CFAP221: variants seen among roughly 807,000 people sequenced by gnomAD.
CFAP221 encodes the protein cilia- and flagella-associated protein 221.
Under a neutral mutation model 113.1 loss-of-function variants are expected in CFAP221, and 97 were observed. That is an observed-to-expected ratio of 0.86 (90% CI 0.73 to 1.02). CFAP221 has a LOEUF of 1.02. Among genes scored for constraint, CFAP221 ranks in the 50% least tolerant of loss-of-function variants. CFAP221 has a pLI of 0.00. For synonymous variants in CFAP221, 331 were observed against 354.4 expected (o/e 0.93, Z 0.74); for missense variants, 1,025 against 1,013.4 (o/e 1.01, Z -0.16).
intron 8 of CFAP221, among the ~76,000 whole-genome samples, chr2:119,603,454 C>T (rs1347855249): frequency 1.3e-5 from 2 of 152,054 alleles, no homozygotes; most frequent in Non-Finnish European, 2.9e-5. Context: ...TCTCCCATGC[C>T]CTGGGTTGTA....
chr2:119,638,311 C>A lies in CFAP221; in HGVS notation c.2027C>A (p.Thr676Lys). ...ATGCATCCTCTGACCTATGCAGAAA[C>A]GTTGATAGATTACCATCTATGCTCT... is the stretch of plus-strand genomic sequence containing the variant. Reference protein sequence around the residue: ...AVMHPLTYAETLIDYHLCSHP... With the variant: ...AVMHPLTYAEKLIDYHLCSHP... Residue 676 changes from threonine (T) to lysine (K), a missense_variant, in exon 20 of 24, where the codon ACG becomes AAG. Thr to Lys is a moderately conservative substitution (Grantham distance 78, BLOSUM62 -1). Coordinates refer to ENST00000413369, the MANE Select transcript of CFAP221 (RefSeq NM_001271049.2). The A allele has an allele frequency of 6.2e-7, 1 of 1,614,032 alleles. No individual in the cohort carries two copies. The highest frequency in any genetic ancestry group is 1.1e-5 in the South Asian group (1 of 91,084).
chr2:119,574,685 T>C (rs1335490051), intron 6 of CFAP221, among the ~76,000 whole-genome samples: 1 of 152,140 alleles, frequency 6.6e-6, no homozygotes, highest in Admixed American at 6.5e-5. Context: ...AGGTTTGTAG[T>C]ATCTGCACAC....
At chr2:119,622,752 A>G (rs1686019247) in intron 14 of CFAP221, among the ~76,000 whole-genome samples, 1 of 152,230 alleles carries the variant, frequency 6.6e-6, no homozygotes, top group South Asian at 2.1e-4. Context: ...ACATAAACAG[A>G]ACCAATGACA....
chr2:119,608,402 G>T, intron 11 of CFAP221, 100 bp from the exon 12 acceptor site: 1 of 828,166 alleles, frequency 1.2e-6, no homozygotes. Context: ...AGCATCTCAG[G>T]GTTCCTTTTC....
At chr2:119,636,721 C>T (rs1687135995) in intron 19 of CFAP221, among the ~76,000 whole-genome samples, 1 of 152,218 alleles carries the variant, frequency 6.6e-6, no homozygotes, top group Non-Finnish European at 1.5e-5. Context: ...GGAACCACTG[C>T]TTTTCCTCAC....
In CFAP221 at chr2:119,634,982, A is replaced by G. The variant is rs10188192; in HGVS notation, c.1975-3277A>G. Reference sequence around the variant, plus strand: ...TGGTAAGTGTTGTTACCACCATATAATAAATAATTTTTAAAAGAATTATCA... The same window carrying G: ...TGGTAAGTGTTGTTACCACCATATAGTAAATAATTTTTAAAAGAATTATCA... On this transcript the variant is annotated intron_variant, in intron 19 of 23. Transcript: ENST00000413369. Among the ~76,000 whole-genome samples, 1,072 of 152,350 alleles carry G rather than the reference A, an allele frequency of 7.0e-3. 13 individuals are homozygous for G. Among genetic ancestry groups the G allele is most frequent in the African/African-American group, 0.025 (1,027 of 41,572 alleles).
chr2:119,576,636 A>C lies in CFAP221; in HGVS notation c.528-10483A>C, dbSNP rs139576371. Among the ~76,000 whole-genome samples the C allele has an allele frequency of 5.7e-4, 87 of 152,298 alleles. 1 individual carries two copies. The highest frequency in any genetic ancestry group is 1.5e-3 in the African/African-American group (61 of 41,558). ...TTATCTTTATTTGATTATATCATTA[A>C]AGTTTGTGGGACTACCGTACTTCTG... On this transcript the variant is annotated intron_variant, in intron 6 of 23. Coordinates refer to ENST00000413369, the MANE Select transcript of CFAP221 (RefSeq NM_001271049.2).
At chr2:119,634,735 G>A (rs1269007865) in intron 19 of CFAP221, among the ~76,000 whole-genome samples, 1 of 152,260 alleles carries the variant, frequency 6.6e-6, no homozygotes, top group Middle Eastern at 3.4e-3. Flanking sequence ...GACAAATACT[G>A]TATGATTCTG....
intron 12 of CFAP221, among the ~76,000 whole-genome samples, chr2:119,609,010 A>G (rs1003227051): frequency 4.6e-5 from 7 of 152,222 alleles, no homozygotes; most frequent in African/African-American, 2.4e-5. Flanking sequence ...AGACAGATGC[A>G]AATGATAGTC....
At chr2:119,643,779 A>G (rs1287935395) in intron 21 of CFAP221, among the ~76,000 whole-genome samples, 1 of 151,954 alleles carries the variant, frequency 6.6e-6, no homozygotes, top group Non-Finnish European at 1.5e-5. Flanking sequence ...TCCTGACCTC[A>G]AGCAATCCGC....
intron 6 of CFAP221, among the ~76,000 whole-genome samples, chr2:119,564,666 C>T (rs1240840459): frequency 1.3e-5 from 2 of 152,158 alleles, no homozygotes; most frequent in Non-Finnish European, 2.9e-5. Context: ...TTTCATTCAA[C>T]ATTATGTTTT....
At chr2:119,605,378 T>A in intron 11 of CFAP221, 89 bp downstream of exon 11, 2 of 1,047,464 alleles carry the variant, frequency 1.9e-6, no homozygotes, top group Non-Finnish European at 2.9e-6. Flanking sequence ...TAAAATGTAA[T>A]AACCTTTTAG....
chr2:119,582,018 G>A (rs900360065), intron 6 of CFAP221, among the ~76,000 whole-genome samples: 5 of 152,084 alleles, frequency 3.3e-5, no homozygotes, highest in African/African-American at 1.2e-4. Context: ...AAACAATTAA[G>A]GAAAGATGTG....
At chr2:119,601,461 T>C (rs1328014070) in intron 8 of CFAP221, 84 bp downstream of exon 8, 3 of 1,228,700 alleles carry the variant, frequency 2.4e-6, no homozygotes, top group Non-Finnish European at 3.2e-6. Flanking sequence ...CTGTCTTTCT[T>C]GTAAAAGAAT....
intron 14 of CFAP221, among the ~76,000 whole-genome samples, chr2:119,618,450 G>T (rs751668843): frequency 6.6e-6 from 1 of 152,152 alleles, no homozygotes; most frequent in South Asian, 2.1e-4. Context: ...GCCGAAGCAG[G>T]GTGGAGCATC....
intron 6 of CFAP221, among the ~76,000 whole-genome samples, chr2:119,564,724 A>G (rs1381420638): frequency 6.6e-6 from 1 of 152,200 alleles, no homozygotes; most frequent in Non-Finnish European, 1.5e-5. Context: ...ACTGCTATAT[A>G]CTGTCCACTG....
rs775064928 is a variant in CFAP221, at chr2:119,604,885, T to C, written c.922T>C (p.Tyr308His). The C allele has an allele frequency of 3.1e-6, 5 of 1,614,050 alleles. No homozygotes were observed. In the Admixed American group the frequency reaches 5.0e-5, roughly 16 times the overall value. ...PKPQKVKEIEYQNLRFPVDLS... is the reference protein window; with the variant it reads ...PKPQKVKEIEHQNLRFPVDLS... Reference sequence around the variant, plus strand: ...TGATTTGGTCTCTTAGGAAATTGAGTACCAGAACCTCAGATTTCCAGTAGA... The same window carrying C: ...TGATTTGGTCTCTTAGGAAATTGAGCACCAGAACCTCAGATTTCCAGTAGA... The change falls in exon 10 of 24, where the codon TAC becomes CAC. Residue 308 changes from tyrosine (Y) to histidine (H), a missense_variant. Tyr to His is a moderately conservative substitution (Grantham distance 83). Transcript: ENST00000413369.
At chr2:119,548,877 C>T (rs1250715665) in intron 2 of CFAP221, among the ~76,000 whole-genome samples, 4 of 152,042 alleles carry the variant, frequency 2.6e-5, no homozygotes, top group Non-Finnish European at 4.4e-5. Context: ...GATAGTATCT[C>T]CCAAGTGATG....
intron 11 of CFAP221, among the ~76,000 whole-genome samples, chr2:119,605,584 C>T (rs931856862): frequency 2.0e-5 from 3 of 152,146 alleles, no homozygotes; most frequent in African/African-American, 2.4e-5. Context: ...GTGCCTTGGG[C>T]ACCCCCAATC....
Sources: allele counts gnomAD v4.1 joint callset (sites outside exome capture counted in the v4.1 genomes callset), GRCh38; gene constraint gnomAD v4.1.1; transcripts MANE v1.5; gene names NCBI Gene and HGNC (gene_info 2026-07-23, HGNC 2026-07-21).